The following SFMBT1 variants were observed in gnomAD, a reference collection of about 807,000 sequenced individuals.
The protein encoded by SFMBT1 is scm-like with four MBT domains protein 1.
Under a neutral mutation model 108.7 loss-of-function variants are expected in SFMBT1, and 32 were observed. The ratio of observed to expected loss-of-function variants is 0.29; its 90% confidence interval spans 0.22 to 0.40. SFMBT1 has a LOEUF of 0.40. SFMBT1 is among the 10% of genes least tolerant of loss of function. SFMBT1 has a pLI of 1.00. For missense variants in SFMBT1, 816 were observed against 1,059.6 expected (o/e 0.77, Z 3.19); for synonymous variants, 348 against 369.5 (o/e 0.94, Z 0.67).
chr3:52,907,687 A>C lies in SFMBT1; in HGVS notation c.1953T>G (p.Pro651=), dbSNP rs776272060. Residue 651 remains proline (P), a synonymous_variant, in exon 18 of 21, where the codon CCT becomes CCG. Coordinates refer to ENST00000394752, the MANE Select transcript of SFMBT1 (RefSeq NM_016329.4). ...CACAAGCTAAGTTACTATGCCCACC[A>C]GGTGGCCTCCCAATTCTTTTATTTT... The part of the protein sequence containing the change: ...KKKNKRIGRP[P]GGHSNLACAL... 6.2e-7 allele frequency: 1 copy of C among 1,613,562 alleles called. No individual in the cohort carries two copies. Among genetic ancestry groups the C allele is most frequent in the East Asian group, 2.2e-5 (1 of 44,884 alleles).
chr3:53,040,930 G>A (rs1261962104), intron 1 of SFMBT1, among the ~76,000 whole-genome samples: 9 of 142,434 alleles, frequency 6.3e-5, no homozygotes, highest in Non-Finnish European at 1.4e-4. Context: ...TCAGCCTCCC[G>A]AGTAGCTGAG....
Position 52,945,145 on chromosome 3 carries a change from A to AAAAAAAAC in SFMBT1, c.124-1553_124-1552insGTTTTTTT, listed in dbSNP as rs1420084654. 1.5e-4 allele frequency among the ~76,000 whole-genome samples: 22 copies of AAAAAAAAC among 147,602 alleles called. 6 individuals are homozygous for AAAAAAAAC. The highest frequency in any genetic ancestry group is 2.8e-4 in the Non-Finnish European group (19 of 66,778). On this transcript the variant is annotated intron_variant, in intron 3 of 20. Coordinates refer to ENST00000394752, the MANE Select transcript of SFMBT1 (RefSeq NM_016329.4). Reference sequence around the variant, plus strand: ...AATACCACCTTCCAATTAAAAAAAAAAAAAAACAAGGACTTCAGGGAAAAA... The same window carrying AAAAAAAAC: ...AATACCACCTTCCAATTAAAAAAAAAAAAAAAACAAAAAACAAGGACTTCAGGGAAAAA...
At position 53,012,644 on chromosome 3, in the gene SFMBT1, C is replaced by T. The variant is rs533333122; in HGVS notation, c.-131+33172G>A. ...GTCTCGATCTCCTGACCTCATGATC[C>T]GCCCGCCTCTGCCTCCCAAAGTGCT... On this transcript the variant is annotated intron_variant, in intron 1 of 20. Transcript: ENST00000394752. 8.7e-4 allele frequency among the ~76,000 whole-genome samples: 130 copies of T among 150,184 alleles called. 2 individuals are homozygous for T. The highest frequency in any genetic ancestry group is 2.9e-3 in the African/African-American group (117 of 39,776).
chr3:53,028,671 A>G (rs928784594), intron 1 of SFMBT1, among the ~76,000 whole-genome samples: 2 of 152,106 alleles, frequency 1.3e-5, no homozygotes, highest in African/African-American at 4.8e-5. Flanking sequence ...TGGGTGACAT[A>G]GCAAGACCCC....
intron 1 of SFMBT1, among the ~76,000 whole-genome samples, chr3:53,004,182 T>TTTCC (rs903263610): frequency 1.0e-4 from 15 of 148,686 alleles, no homozygotes; most frequent in African/African-American, 3.2e-4. Flanking sequence ...CTCAGGAGCA[T>TTTCC]TTCCTTCCTT....
At chr3:52,990,541 A>G (rs1559540014) in intron 1 of SFMBT1, among the ~76,000 whole-genome samples, 1 of 152,256 alleles carries the variant, frequency 6.6e-6, no homozygotes, top group East Asian at 1.9e-4. Flanking sequence ...AAGCCATTCA[A>G]ACACCAGAAT....
rs1703761076 is a variant in SFMBT1 at position 52,955,840 on chromosome 3, C to T, written c.29-1429G>A. ...AAAACTGAAAATGAGGCACTCCTCC[C>T]TAACTCACTTTATGAGGCCAGCATC... On this transcript the variant is annotated intron_variant, in intron 2 of 20. Coordinates refer to ENST00000394752, the MANE Select transcript of SFMBT1 (RefSeq NM_016329.4). Among the ~76,000 whole-genome samples, 2 of 152,210 alleles carry T rather than the reference C, an allele frequency of 1.3e-5. 1 individual carries two copies. Among genetic ancestry groups the T allele is most frequent in the South Asian group, 4.1e-4 (2 of 4,830 alleles).
intron 4 of SFMBT1, among the ~76,000 whole-genome samples, chr3:52,935,778 G>T (rs1436601666): frequency 6.6e-6 from 1 of 152,098 alleles, no homozygotes; most frequent in Non-Finnish European, 1.5e-5. Flanking sequence ...CAAGTGAGAC[G>T]CACGCATTGC....
intron 2 of SFMBT1, among the ~76,000 whole-genome samples, chr3:52,963,729 G>A (rs1432570467): frequency 6.6e-6 from 1 of 152,154 alleles, no homozygotes; most frequent in Non-Finnish European, 1.5e-5. Flanking sequence ...CTGGATTACA[G>A]GCGTGAGCCA....
At chr3:52,963,985 G>C (rs28635826) in intron 2 of SFMBT1, among the ~76,000 whole-genome samples, 1 of 151,976 alleles carries the variant, frequency 6.6e-6, no homozygotes, top group Non-Finnish European at 1.5e-5. Context: ...AATCAAAGAA[G>C]AAAAAACTTT....
intron 2 of SFMBT1, among the ~76,000 whole-genome samples, chr3:52,967,311 T>C (rs867328976): frequency 1.3e-5 from 2 of 152,072 alleles, no homozygotes; most frequent in Non-Finnish European, 2.9e-5. Flanking sequence ...ACAGGCATGT[T>C]GAAAAGAAAA....
At chr3:53,027,871 T>A (rs1339269915) in intron 1 of SFMBT1, among the ~76,000 whole-genome samples, 2 of 152,166 alleles carry the variant, frequency 1.3e-5, no homozygotes, top group Non-Finnish European at 1.5e-5. Flanking sequence ...AGGTTGCAAA[T>A]TTTTTTGTGT....
intron 1 of SFMBT1, among the ~76,000 whole-genome samples, chr3:52,998,695 G>T (rs918634933): frequency 6.6e-6 from 1 of 150,598 alleles, no homozygotes; most frequent in African/African-American, 2.4e-5. Flanking sequence ...TCGCCATCTC[G>T]GCAGTTCAGA....
chr3:52,992,961 T>A (rs1705189994), intron 1 of SFMBT1, among the ~76,000 whole-genome samples: 1 of 152,186 alleles, frequency 6.6e-6, no homozygotes, highest in Non-Finnish European at 1.5e-5. Flanking sequence ...CAGGAGTAGT[T>A]CTGGCAGCTA....
In SFMBT1 at chr3:52,928,180, C is replaced by T. The variant is rs748680061; in HGVS notation, c.1048+11G>A. 1.8e-5 allele frequency: 29 copies of T among 1,605,468 alleles called. No individual in the cohort carries two copies. In the South Asian group the frequency reaches 2.2e-4, roughly 12 times the overall value. ...TCTCAAGTGACAATTCAGAAGACAG[C>T]GAATGTGCACCTGGAGGGGGGCTGA... On this transcript the variant is annotated intron_variant, in intron 9 of 20. Coordinates refer to ENST00000394752, the MANE Select transcript of SFMBT1 (RefSeq NM_016329.4).
Position 53,021,848 on chromosome 3 carries a change from C to T in SFMBT1, c.-131+23968G>A, listed in dbSNP as rs574122279. Among the ~76,000 whole-genome samples the T allele has an allele frequency of 2.6e-5, 4 of 152,252 alleles. No individual in the cohort carries two copies. The East Asian group carries it at 5.8e-4, about 22-fold the overall frequency. On this transcript the variant is annotated intron_variant, in intron 1 of 20. Coordinates refer to ENST00000394752, the MANE Select transcript of SFMBT1 (RefSeq NM_016329.4). ...CACGCAGAAGGGGAAAATATTAATACATTATTTTTGCTTAAATTCAAACCA... is the reference window on the plus strand; with the variant it reads ...CACGCAGAAGGGGAAAATATTAATATATTATTTTTGCTTAAATTCAAACCA...
At chr3:53,044,028 G>A (rs917813547) in intron 1 of SFMBT1, among the ~76,000 whole-genome samples, 2 of 152,146 alleles carry the variant, frequency 1.3e-5, no homozygotes, top group African/African-American at 4.8e-5. Flanking sequence ...GGTTATCAGG[G>A]CATATACATA....
At chr3:52,908,614 G>C (rs1228620856) in intron 17 of SFMBT1, among the ~76,000 whole-genome samples, 1 of 152,036 alleles carries the variant, frequency 6.6e-6, no homozygotes. Flanking sequence ...TGTCACCCAG[G>C]CTGGAGTGCA....
At chr3:52,928,500 C>A in intron 8 of SFMBT1, 159 bp from the exon 9 acceptor site, 1 of 690,670 alleles carries the variant, frequency 1.4e-6, no homozygotes, top group Non-Finnish European at 2.3e-6. Flanking sequence ...CATATAATTA[C>A]TGTTTTAATT....
Sources: gnomAD v4.1 joint callset for allele counts (sites outside exome capture counted in the v4.1 genomes callset) on GRCh38, gnomAD v4.1.1 for gene constraint, MANE v1.5 for transcripts, NCBI Gene and HGNC (gene_info 2026-07-23, HGNC 2026-07-21) for gene names.